Variants in PCDH11Y observed in about 807,000 individuals in gnomAD.
PCDH11Y encodes protocadherin 11 Y-linked, also known as protocadherin-11 Y-linked.
For missense variants in PCDH11Y, 12 were observed against 224.8 expected (o/e 0.05, Z 6.05); for synonymous variants, 9 against 83.6 (o/e 0.11, Z 4.87).
intron 2 of PCDH11Y, among the ~76,000 whole-genome samples, chrY:5,263,119 C>T (rs2053021309): frequency 3.0e-5 from 1 of 33,853 alleles, no homozygotes; most frequent in African/African-American, 1.2e-4. Context: ...GATGTCCAGG[C>T]AGAAGTTTGC....
At chrY:5,291,358 C>G (rs2053067222) in intron 2 of PCDH11Y, among the ~76,000 whole-genome samples, 1 of 33,648 alleles carries the variant, frequency 3.0e-5, no homozygotes. Flanking sequence ...ACAGTAAGAT[C>G]GTTATCAACT....
At chrY:5,280,461 T>C in intron 2 of PCDH11Y, among the ~76,000 whole-genome samples, 1 of 32,837 alleles carries the variant, frequency 3.0e-5, no homozygotes, top group Non-Finnish European at 7.5e-5. Flanking sequence ...GACATGACCT[T>C]TTTTATGACT....
downstream of PCDH11Y, among the ~76,000 whole-genome samples, chrY:5,107,774 C>T: frequency 9.0e-5 from 3 of 33,168 alleles, no homozygotes; most frequent in African/African-American, 3.5e-4. Flanking sequence ...TAAAACTAGT[C>T]ATCGGCCGGG....
intron 2 of PCDH11Y, among the ~76,000 whole-genome samples, chrY:5,456,244 T>A: frequency 6.0e-5 from 2 of 33,232 alleles, no homozygotes; most frequent in African/African-American, 1.2e-4. Flanking sequence ...TAGAAGCAAA[T>A]CATAACCACA....
intron 2 of PCDH11Y, among the ~76,000 whole-genome samples, chrY:5,297,186 CCTT>C: frequency 3.0e-5 from 1 of 33,300 alleles, no homozygotes; most frequent in Non-Finnish European, 7.4e-5. Flanking sequence ...TGGAATGAGA[CCTT>C]CTTGAATGTG....
chrY:5,678,242 T>C, intron 4 of PCDH11Y, among the ~76,000 whole-genome samples: 1 of 33,110 alleles, frequency 3.0e-5, no homozygotes, highest in Admixed American at 2.8e-4. Context: ...AAATTTCCAT[T>C]GGGCATCTAG....
chrY:5,042,185 A>G (rs1602844157), intron 3 of PCDH11Y, among the ~76,000 whole-genome samples: 200 of 27,462 alleles, frequency 7.3e-3, no homozygotes, highest in African/African-American at 0.028. Flanking sequence ...GTCCTTGCCC[A>G]TGCCTATGTC....
intron 4 of PCDH11Y, among the ~76,000 whole-genome samples, chrY:5,731,995 C>A: frequency 3.2e-5 from 1 of 30,817 alleles, no homozygotes; most frequent in African/African-American, 1.3e-4. Flanking sequence ...GTAGATCTTT[C>A]TCTAGATCTT....
intron 2 of PCDH11Y, among the ~76,000 whole-genome samples, chrY:5,226,899 G>A (rs2052961342): frequency 3.1e-4 from 9 of 29,287 alleles, no homozygotes; most frequent in African/African-American, 1.1e-3. Flanking sequence ...TTGTTCTTTC[G>A]CTTAGAATAG....
At chrY:5,466,351 G>A in intron 2 of PCDH11Y, among the ~76,000 whole-genome samples, 3 of 31,838 alleles carry the variant, frequency 9.4e-5, no homozygotes, top group Non-Finnish European at 2.3e-4. Flanking sequence ...CAACCCTCTC[G>A]TTTGATTGAT....
intron 2 of PCDH11Y, among the ~76,000 whole-genome samples, chrY:5,182,721 T>C (rs2124647159): frequency 3.0e-5 from 1 of 33,652 alleles, no homozygotes; most frequent in South Asian, 6.6e-4. Flanking sequence ...AAGGCAGCTG[T>C]GCTGCATTGT....
At chrY:5,267,496 G>A (rs2053029281) in intron 2 of PCDH11Y, among the ~76,000 whole-genome samples, 3 of 31,599 alleles carry the variant, frequency 9.5e-5, no homozygotes, top group Admixed American at 5.9e-4. Flanking sequence ...GTGAGCCACC[G>A]CGCCCGGCCG....
At chrY:5,612,226 A>C in intron 4 of PCDH11Y, among the ~76,000 whole-genome samples, 4 of 33,376 alleles carry the variant, frequency 1.2e-4, no homozygotes, top group African/African-American at 4.7e-4. Flanking sequence ...TTTAATGTTG[A>C]ATATTGTATG....
intron 4 of PCDH11Y, among the ~76,000 whole-genome samples, chrY:5,635,734 A>T: frequency 2.9e-5 from 1 of 34,179 alleles, no homozygotes. Context: ...ACTAGTAAAA[A>T]ATCAAATCCC....
intron 4 of PCDH11Y, among the ~76,000 whole-genome samples, chrY:5,603,401 T>C: frequency 3.2e-5 from 1 of 31,496 alleles, no homozygotes; most frequent in Non-Finnish European, 7.7e-5. Flanking sequence ...ACAATAAAAC[T>C]TAAAATATAA....
intron 2 of PCDH11Y, among the ~76,000 whole-genome samples, chrY:5,388,015 C>T: frequency 3.2e-5 from 1 of 30,929 alleles, no homozygotes; most frequent in Admixed American, 3.0e-4. Context: ...TCACTCCCAC[C>T]GTGCCCCCCA....
chrY:5,511,818 A>AT (rs2053365561), intron 3 of PCDH11Y, among the ~76,000 whole-genome samples: 2 of 33,535 alleles, frequency 6.0e-5, no homozygotes, highest in African/African-American at 1.2e-4. Context: ...TCCCAAAAAG[A>AT]TTTTTTTTGA....
intron 2 of PCDH11Y, among the ~76,000 whole-genome samples, chrY:5,227,900 A>G: frequency 3.2e-5 from 1 of 31,369 alleles, no homozygotes; most frequent in Non-Finnish European, 7.7e-5. Context: ...TTATTGTGTC[A>G]GTCTGGTTTT....
intron 2 of PCDH11Y, among the ~76,000 whole-genome samples, chrY:5,452,807 A>G (rs2053294522): frequency 3.0e-5 from 1 of 33,292 alleles, no homozygotes; most frequent in African/African-American, 1.2e-4. Flanking sequence ...ATGCTTGTAA[A>G]TAACCAATAG....
Sources: gnomAD v4.1 joint callset for allele counts (sites outside exome capture counted in the v4.1 genomes callset) on GRCh38, gnomAD v4.1.1 for gene constraint, MANE v1.5 for transcripts, NCBI Gene and HGNC (gene_info 2026-07-23, HGNC 2026-07-21) for gene names.